Variants in SPMIP7 observed in about 807,000 individuals in gnomAD.
SPMIP7 encodes sperm microtubule inner protein 7, also known as protein SPMIP7.
chr7:50,134,158 C>T, the SPMIP7 span: 1 of 1,550,690 alleles, frequency 6.4e-7, no homozygotes, highest in South Asian at 1.2e-5. Context: ...AAACTTGTTC[C>T]AGAAGAAACA....
At chr7:50,135,344 A>C in the SPMIP7 span, among the ~76,000 whole-genome samples, 9 of 152,178 alleles carry the variant, frequency 5.9e-5, no homozygotes, top group African/African-American at 2.2e-4. Context: ...AGTACACAAA[A>C]TCCATAGGAT....
At chr7:50,128,919 T>C in the SPMIP7 span, among the ~76,000 whole-genome samples, 1 of 151,820 alleles carries the variant, frequency 6.6e-6, no homozygotes, top group Non-Finnish European at 1.5e-5. Context: ...CTCAAGACAA[T>C]GATAATGTCC....
At chr7:50,125,094 GTA>G in the SPMIP7 span, among the ~76,000 whole-genome samples, 26 of 73,810 alleles carry the variant, frequency 3.5e-4, 5 homozygotes, top group South Asian at 2.0e-3. Flanking sequence ...GTGAGATTAA[GTA>G]TATATATATA....
chr7:50,108,243 AAG>A, the SPMIP7 span, among the ~76,000 whole-genome samples: 1 of 152,218 alleles, frequency 6.6e-6, no homozygotes, highest in Non-Finnish European at 1.5e-5. Flanking sequence ...CAACATGTAG[AAG>A]ACAGCAATAG....
chr7:50,114,752 G>A, the SPMIP7 span, among the ~76,000 whole-genome samples: 10 of 152,080 alleles, frequency 6.6e-5, no homozygotes, highest in African/African-American at 1.9e-4. Context: ...AGACCCAGCC[G>A]GGTGAGGTGG....
chr7:50,096,462 C>T, the SPMIP7 span: 3 of 1,551,710 alleles, frequency 1.9e-6, no homozygotes, highest in South Asian at 2.4e-5. Context: ...ATTGGCAGAA[C>T]CATACCAACC....
the SPMIP7 span, among the ~76,000 whole-genome samples, chr7:50,125,502 A>G: frequency 6.6e-6 from 1 of 151,154 alleles, no homozygotes; most frequent in African/African-American, 2.4e-5. Context: ...TGGAGGATAG[A>G]TACACAAGAG....
the SPMIP7 span, among the ~76,000 whole-genome samples, chr7:50,147,779 A>G: frequency 2.0e-5 from 3 of 152,216 alleles, no homozygotes; most frequent in Non-Finnish European, 4.4e-5. Context: ...GGGCAATAAT[A>G]TATTCAAATT....
At chr7:50,151,613 A>T in the SPMIP7 span, 1 of 1,233,870 alleles carries the variant, frequency 8.1e-7, no homozygotes, top group South Asian at 1.4e-5. Flanking sequence ...GGGAAATCCT[A>T]ATTGTGGTTA....
chr7:50,104,469 A>ATG, the SPMIP7 span: 2 of 561,014 alleles, frequency 3.6e-6, no homozygotes, highest in South Asian at 4.5e-5. Flanking sequence ...TGTATTATAT[A>ATG]TATATAATTA....
chr7:50,128,918 A>G, the SPMIP7 span, among the ~76,000 whole-genome samples: 5 of 151,986 alleles, frequency 3.3e-5, no homozygotes, highest in South Asian at 2.1e-4. Flanking sequence ...TCTCAAGACA[A>G]TGATAATGTC....
the SPMIP7 span, among the ~76,000 whole-genome samples, chr7:50,120,733 CTG>C: frequency 6.6e-6 from 1 of 152,114 alleles, no homozygotes; most frequent in Admixed American, 6.6e-5. Context: ...TTTCTCATCT[CTG>C]TGTTTCATTT....
the SPMIP7 span, among the ~76,000 whole-genome samples, chr7:50,099,527 A>G: frequency 6.6e-6 from 1 of 152,090 alleles, no homozygotes; most frequent in Non-Finnish European, 1.5e-5. Context: ...ATTCTTCATG[A>G]CCTGGTCTTG....
the SPMIP7 span, among the ~76,000 whole-genome samples, chr7:50,125,446 TAAG>T: frequency 2.4e-5 from 3 of 122,840 alleles, no homozygotes; most frequent in Admixed American, 8.7e-5. Flanking sequence ...AAACCAAAAA[TAAG>T]AAGGAAGAAA....
chr7:50,125,143 T>C, the SPMIP7 span, among the ~76,000 whole-genome samples: 17 of 36,912 alleles, frequency 4.6e-4, 1 homozygote, highest in East Asian at 4.6e-3. Flanking sequence ...CACACACACA[T>C]ATACACACAT....
At chr7:50,096,580 G>T in the SPMIP7 span, 1 of 1,551,780 alleles carries the variant, frequency 6.4e-7, no homozygotes, top group South Asian at 1.2e-5. Context: ...AACTGCAACA[G>T]AACAGGAGAT....
the SPMIP7 span, among the ~76,000 whole-genome samples, chr7:50,108,774 T>C: frequency 1.3e-5 from 2 of 152,168 alleles, no homozygotes; most frequent in Non-Finnish European, 1.5e-5. Context: ...ATTTGAAACA[T>C]GTACATAATT....
At chr7:50,155,859 A>T in the SPMIP7 span, among the ~76,000 whole-genome samples, 1 of 151,964 alleles carries the variant, frequency 6.6e-6, no homozygotes, top group Non-Finnish European at 1.5e-5. Flanking sequence ...CTGCACATAC[A>T]GCTCTCATCC....
the SPMIP7 span, chr7:50,104,291 A>C: frequency 7.5e-7 from 1 of 1,332,550 alleles, no homozygotes; most frequent in Admixed American, 2.2e-5. Flanking sequence ...CCAAAATCCC[A>C]TTCGCTTTTT....
Sources: gnomAD v4.1 joint callset for allele counts (sites outside exome capture counted in the v4.1 genomes callset) on GRCh38, gnomAD v4.1.1 for gene constraint, MANE v1.5 for transcripts, NCBI Gene and HGNC (gene_info 2026-07-23, HGNC 2026-07-21) for gene names.